Variants in AGO2 observed in about 807,000 individuals in gnomAD.
The protein encoded by AGO2 is protein argonaute-2.
A neutral mutation model predicts 102.3 loss-of-function variants in AGO2; 5 were observed. That is an observed-to-expected ratio of 0.05 (90% CI 0.03 to 0.10). The LOEUF is 0.10. Ranked by LOEUF, AGO2 falls within the 10% of genes least tolerant of loss-of-function variation. The pLI is 1.00. For synonymous variants in AGO2, 449 were observed against 473.1 expected (o/e 0.95, Z 0.66); for missense variants, 541 against 1,183.7 (o/e 0.46, Z 7.97).
chr8:140,599,260 G>A (rs991304919), intron 1 of AGO2, among the ~76,000 whole-genome samples: 6 of 152,164 alleles, frequency 3.9e-5, no homozygotes, highest in South Asian at 2.1e-4. Context: ...TGGTGGCGTC[G>A]CTGTGGTTTC....
At chr8:140,543,770 C>T (rs1239593082) in intron 14 of AGO2, among the ~76,000 whole-genome samples, 1 of 152,246 alleles carries the variant, frequency 6.6e-6, no homozygotes, top group Non-Finnish European at 1.5e-5. Context: ...CCTCATTTTA[C>T]ACCCAAGAAA....
intron 1 of AGO2, among the ~76,000 whole-genome samples, chr8:140,621,365 T>A (rs2074215976): frequency 6.6e-6 from 1 of 152,194 alleles, no homozygotes; most frequent in South Asian, 2.1e-4. Flanking sequence ...TTCCATGGAT[T>A]TGTGAGTGAC....
intron 2 of AGO2, among the ~76,000 whole-genome samples, chr8:140,576,258 G>C (rs2073461445): frequency 6.6e-6 from 1 of 152,174 alleles, no homozygotes; most frequent in Non-Finnish European, 1.5e-5. Flanking sequence ...AGGTTGCAGT[G>C]AGCCGAGATT....
rs10661844 is a variant in AGO2 at position 140,577,207 on chromosome 8, CAAAAAAAA to C, written c.216-4283_216-4276del. 3.0e-4 allele frequency among the ~76,000 whole-genome samples: 21 copies of C among 70,752 alleles called. 1 individual carries two copies. The Admixed American group carries it at 3.1e-3, about 11-fold the overall frequency. 46.4% of individuals were successfully genotyped at this position (70,752 alleles called of 152,430 possible). A position where few individuals can be genotyped will look rare whatever the true frequency, so the allele number is the denominator to read the frequency against. Reference sequence around the variant, plus strand: ...TGGGCGACAGAGCAAGACTCCATCTCAAAAAAAAAAAAAAAAAAAAAGAAACATGCCTG... The same window carrying C: ...TGGGCGACAGAGCAAGACTCCATCTCAAAAAAAAAAAAAGAAACATGCCTG... On this transcript the variant is annotated intron_variant, in intron 2 of 18. Coordinates refer to ENST00000220592, the MANE Select transcript of AGO2 (RefSeq NM_012154.5).
At chr8:140,580,663 C>T (rs764949051) in intron 2 of AGO2, among the ~76,000 whole-genome samples, 8 of 152,082 alleles carry the variant, frequency 5.3e-5, no homozygotes, top group Non-Finnish European at 1.0e-4. Context: ...GATGTGTGAG[C>T]GGGGGGTCTC....
chr8:140,632,034 C>G (rs1347434838), intron 1 of AGO2, among the ~76,000 whole-genome samples: 2 of 152,166 alleles, frequency 1.3e-5, no homozygotes, highest in African/African-American at 4.8e-5. Context: ...ATTCGTGAAA[C>G]AAAACCACAT....
intron 1 of AGO2, among the ~76,000 whole-genome samples, chr8:140,607,525 C>G (rs1262337854): frequency 7.5e-6 from 1 of 133,532 alleles, no homozygotes; most frequent in Non-Finnish European, 1.6e-5. Flanking sequence ...TACACACACA[C>G]ACACGTATGG....
chr8:140,614,710 A>AGTACTTACTGCTGC (rs1421375416), intron 1 of AGO2, among the ~76,000 whole-genome samples: 1 of 152,220 alleles, frequency 6.6e-6, no homozygotes, highest in Non-Finnish European at 1.5e-5. Context: ...TCCAGGATCC[A>AGTACTTACTGCTGC]GTACTTACTG....
intron 1 of AGO2, among the ~76,000 whole-genome samples, chr8:140,590,712 G>A (rs1410159077): frequency 5.9e-5 from 9 of 152,188 alleles, no homozygotes; most frequent in Non-Finnish European, 1.0e-4. Context: ...CTGCATCAGT[G>A]CTCCTCGGAA....
rs1182273429 is a variant in AGO2, at chr8:140,567,353, C to T, written c.337-4719G>A. 6.6e-6 allele frequency among the ~76,000 whole-genome samples: 1 copy of T among 152,246 alleles called. No individual in the cohort carries two copies. Among genetic ancestry groups the T allele is most frequent in the Non-Finnish European group, 1.5e-5 (1 of 68,046 alleles). On this transcript the variant is annotated intron_variant, in intron 3 of 18. Transcript: ENST00000220592. The surrounding 1 kb of genome is among the most constrained non-coding windows in gnomAD (Gnocchi z 5.0). ...ACATGGCTCTCCAAGGGACAGGCAC[C>T]GTGTGCGTCTGGGCTGCCAGCAGCA...
intron 3 of AGO2, among the ~76,000 whole-genome samples, chr8:140,563,028 C>T (rs963426685): frequency 4.6e-5 from 7 of 152,174 alleles, no homozygotes; most frequent in African/African-American, 1.7e-4. Context: ...AGCCCCACTC[C>T]GCTACTCAGA....
chr8:140,587,638 G>A (rs1301666965), intron 1 of AGO2, among the ~76,000 whole-genome samples: 1 of 152,218 alleles, frequency 6.6e-6, no homozygotes, highest in Non-Finnish European at 1.5e-5. Flanking sequence ...AAGGGCACTG[G>A]ATGCCCACCC....
rs548791506 is a variant in AGO2, at chr8:140,528,890, G to T, written c.*3154C>A. ...TCCCCTGGTGTTCGTTAATTGCGTC[G>T]TCATTACAGCAAGAACTTGTCAAAT... On this transcript the variant is annotated 3_prime_UTR_variant, in exon 19 of 19. Coordinates refer to ENST00000220592, the MANE Select transcript of AGO2 (RefSeq NM_012154.5). The surrounding 1 kb of genome is among the most constrained non-coding windows in gnomAD (Gnocchi z 4.5). The T allele has an allele frequency of 1.3e-5, 2 of 152,130 alleles. No individual in the cohort carries two copies. Among genetic ancestry groups the T allele is most frequent in the Non-Finnish European group, 2.9e-5 (2 of 68,028 alleles). 9.4% of individuals were successfully genotyped at this position (152,130 alleles called of 1,614,324 possible).
intron 7 of AGO2, 94 bp downstream of exon 7, chr8:140,558,391 G>A: frequency 7.3e-7 from 1 of 1,362,152 alleles, no homozygotes; most frequent in African/African-American, 1.4e-5. Flanking sequence ...GGTCCTTTCT[G>A]GAGAATGGGC....
At chr8:140,533,824 C>A (rs971557064) in intron 17 of AGO2, among the ~76,000 whole-genome samples, 3 of 151,796 alleles carry the variant, frequency 2.0e-5, no homozygotes, top group Admixed American at 6.6e-5. Context: ...AAAACAACAA[C>A]AAAAAATTAC....
At chr8:140,590,279 C>T (rs2073728481) in intron 1 of AGO2, among the ~76,000 whole-genome samples, 1 of 152,206 alleles carries the variant, frequency 6.6e-6, no homozygotes, top group African/African-American at 2.4e-5. Flanking sequence ...GACAGGGGCT[C>T]TGGAGCCCCC....
intron 17 of AGO2, among the ~76,000 whole-genome samples, chr8:140,534,746 T>G (rs903355486): frequency 1.3e-5 from 2 of 152,196 alleles, no homozygotes; most frequent in Non-Finnish European, 2.9e-5. Flanking sequence ...ACTTATACTT[T>G]GAAAAACCAA....
rs1156741763 is a variant in AGO2, at chr8:140,548,316, A to G, written c.1589-689T>C. On this transcript the variant is annotated intron_variant, in intron 12 of 18. Transcript: ENST00000220592. ...AGGAGACAGAGCCAGCCCTTGTCTA[A>G]AAAAAAAAAAAAAAAAAGGAAAAGA... 9.0e-5 allele frequency among the ~76,000 whole-genome samples: 3 copies of G among 33,454 alleles called. No homozygotes were observed. In the South Asian group the frequency reaches 3.4e-3, roughly 38 times the overall value. 21.9% of individuals were successfully genotyped at this position (33,454 alleles called of 152,430 possible).
chr8:140,559,653 C>T, intron 5 of AGO2, 124 bp from the exon 6 acceptor site: 2 of 1,320,428 alleles, frequency 1.5e-6, no homozygotes, highest in Non-Finnish European at 2.1e-6. Flanking sequence ...GGGGTTCTCA[C>T]TCCCTACTGA....
Sources: allele counts gnomAD v4.1 joint callset (sites outside exome capture counted in the v4.1 genomes callset), GRCh38; gene constraint gnomAD v4.1.1; non-coding constraint Gnocchi (gnomAD v3.1); transcripts MANE v1.5; gene names NCBI Gene and HGNC (gene_info 2026-07-23, HGNC 2026-07-21).